The following TNNC2 variants were observed in gnomAD, a reference collection of about 807,000 sequenced individuals.
The protein encoded by TNNC2 is troponin C2, fast skeletal type, also known as troponin C, skeletal muscle.
TNNC2 carries 14 observed loss-of-function variants against 20.0 expected under a neutral mutation model. The observed-to-expected ratio is 0.70, with a 90% CI of 0.46 to 1.09. TNNC2 has a LOEUF of 1.09. Ranked by LOEUF, TNNC2 falls within the 50% of genes least tolerant of loss-of-function variation. The pLI is 0.00. For missense variants in TNNC2, 163 were observed against 223.8 expected, an observed-to-expected ratio of 0.73 and a Z score of 1.73; for synonymous variants, 81 against 77.3, an observed-to-expected ratio of 1.05 and a Z score of -0.25.
rs765437947 is a variant in TNNC2 at position 45,824,138 on chromosome 20, G to A, written c.315-11C>T. On this transcript the variant is annotated splice_polypyrimidine_tract_variant and intron_variant, in intron 4 of 5. Transcript: ENST00000372555. The stretch of plus-strand genomic sequence containing the variant: ...TAGCCGTCTGCATTCCTTCAGGTCC[G>A]AGGGACAGGGCAGGGCTCAGGGCCG... 1.5e-5 allele frequency: 25 copies of A among 1,613,436 alleles called. No homozygotes were observed. In the Admixed American group the frequency reaches 4.0e-4, roughly 26 times the overall value.
upstream of TNNC2, among the ~76,000 whole-genome samples, chr20:45,828,852 T>C (rs1260116939): frequency 2.0e-5 from 3 of 152,148 alleles, no homozygotes; most frequent in Non-Finnish European, 2.9e-5. Context: ...TTCCCCTATA[T>C]ATAGACATTC....
At chr20:45,824,254 G>A (rs368679455) in intron 4 of TNNC2, 38 bp downstream of exon 4, 10 of 1,605,250 alleles carry the variant, frequency 6.2e-6, no homozygotes, top group South Asian at 3.3e-5. Flanking sequence ...GGTTCTGACT[G>A]CTAAGCCCCT....
chr20:45,823,928 C>T lies in TNNC2; in HGVS notation c.451+63G>A. The T allele has an allele frequency of 6.2e-7, 1 of 1,606,958 alleles. No individual in the cohort carries two copies. The highest frequency in any genetic ancestry group is 8.5e-7 in the Non-Finnish European group (1 of 1,175,846). ...CCAAGGACACTGCACCGGAGCCAGG[C>T]ACCAGTGCCCGCCGTCCTCTGGGGC... On this transcript the variant is annotated intron_variant, in intron 5 of 5. Coordinates refer to ENST00000372555, the MANE Select transcript of TNNC2 (RefSeq NM_003279.3). This position sits in a 1 kb window ranked among gnomAD's most constrained non-coding sequence, Gnocchi z 4.6.
upstream of TNNC2, among the ~76,000 whole-genome samples, chr20:45,829,228 A>AATC (rs1470963358): frequency 6.7e-6 from 1 of 148,222 alleles, no homozygotes; most frequent in Non-Finnish European, 1.5e-5. Context: ...ACAATGGTGC[A>AATC]ATCTCGGCTC....
At chr20:45,828,977 G>C (rs946080986), upstream of TNNC2, among the ~76,000 whole-genome samples, 2 of 151,872 alleles carry the variant, frequency 1.3e-5, no homozygotes, top group Admixed American at 6.6e-5. Context: ...ATTGTTTTTT[G>C]GTTTTTTGGG....
At chr20:45,824,682 T>C in intron 2 of TNNC2, 44 bp from the exon 3 acceptor site, 1 of 1,604,746 alleles carries the variant, frequency 6.2e-7, no homozygotes, top group Non-Finnish European at 8.5e-7. Flanking sequence ...TGCTGGACTG[T>C]CAGCCTCACA....
chr20:45,824,695 T>TTG, intron 2 of TNNC2, 57 bp from the exon 3 acceptor site: 1 of 1,537,410 alleles, frequency 6.5e-7, no homozygotes, highest in Non-Finnish European at 8.8e-7. Context: ...GCCTCACACC[T>TTG]ACCCCCCCCC....
chr20:45,824,743 A>G (rs374365133), intron 2 of TNNC2, 40 bp downstream of exon 2: 5 of 1,248,526 alleles, frequency 4.0e-6, no homozygotes, highest in Non-Finnish European at 4.3e-6. Context: ...TGTCCCCAGC[A>G]TACATCCACC....
intron 1 of TNNC2, 116 bp from the exon 2 acceptor site, chr20:45,824,950 C>A: frequency 1.8e-6 from 2 of 1,100,754 alleles, no homozygotes; most frequent in South Asian, 2.7e-5. Flanking sequence ...TCCAGAAGAA[C>A]AACTTCAAAC....
Position 45,824,847 on chromosome 20 carries a change from C to G in TNNC2, c.4-13G>C, listed in dbSNP as rs755114964. The G allele has an allele frequency of 6.2e-7, 1 of 1,614,052 alleles. No individual in the cohort carries two copies. Among genetic ancestry groups the G allele is most frequent in the East Asian group, 2.2e-5 (1 of 44,896 alleles). Reference sequence around the variant, plus strand: ...CCTGCTGGTCCGTCTGCAGGAGACACAGAGAAAGTCTGAGCTGAAGAGGCA... The same window carrying G: ...CCTGCTGGTCCGTCTGCAGGAGACAGAGAGAAAGTCTGAGCTGAAGAGGCA... On this transcript the variant is annotated splice_polypyrimidine_tract_variant and intron_variant, in intron 1 of 5. Coordinates refer to ENST00000372555, the MANE Select transcript of TNNC2 (RefSeq NM_003279.3).
chr20:45,830,144 C>G (rs1012937324), upstream of TNNC2, among the ~76,000 whole-genome samples: 1 of 151,360 alleles, frequency 6.6e-6, no homozygotes, highest in Non-Finnish European at 1.5e-5. Context: ...ACCATCCTGG[C>G]CAGCATGGTG....
rs367966013 is a variant in TNNC2 at position 45,824,642 on chromosome 20, C to T, written c.56-4G>A. ...ATGTCAAAGGCAGCCTTGAACTCTG[C>T]GAGGGAGGGCAGAGGGCAGAGGTGA... On this transcript the variant is annotated splice_region_variant and splice_polypyrimidine_tract_variant and intron_variant, in intron 2 of 5. Coordinates refer to ENST00000372555, the MANE Select transcript of TNNC2 (RefSeq NM_003279.3). 29 of 1,608,212 alleles carry T rather than the reference C, an allele frequency of 1.8e-5. 3 individuals are homozygous for T. Among genetic ancestry groups the T allele is most frequent in the Admixed American group, 1.7e-4 (10 of 59,974 alleles).
At position 45,823,232 on chromosome 20, in the gene TNNC2, T is replaced by G; in HGVS notation, c.*116A>C. On this transcript the variant is annotated 3_prime_UTR_variant, in exon 6 of 6. Transcript: ENST00000372555. This position sits in a 1 kb window ranked among gnomAD's most constrained non-coding sequence, Gnocchi z 4.6. The stretch of plus-strand genomic sequence containing the variant: ...CCACGAGTTTTGGAACATTTGCTTT[T>G]ATTCCTTCCAGACAAAGACCCACAA... 9.8e-7 allele frequency: 1 copy of G among 1,025,424 alleles called. No homozygotes were observed. Among genetic ancestry groups the G allele is most frequent in the Non-Finnish European group, 1.4e-6 (1 of 735,564 alleles). The allele number at this position is 1,025,424 out of a possible 1,614,324, so 63.5% of individuals were successfully genotyped here.
Position 45,823,497 on chromosome 20 carries a change from T to TCAA in TNNC2, c.452-119_452-118insTTG. The TCAA allele has an allele frequency of 1.9e-6, 2 of 1,037,558 alleles. No homozygotes were observed. The highest frequency in any genetic ancestry group is 2.8e-6 in the Non-Finnish European group (2 of 721,458). The allele number at this position is 1,037,558 out of a possible 1,614,324, so 64.3% of individuals were successfully genotyped here. On this transcript the variant is annotated intron_variant, in intron 5 of 5. Transcript: ENST00000372555. The surrounding 1 kb of genome is among the most constrained non-coding windows in gnomAD (Gnocchi z 4.6). ...TTTTTGTTTTTGTTGAGACAGAGTC[T>TCAA]CACTCTGTTGCCAAGGTCGCCAAGG... is the stretch of plus-strand genomic sequence containing the variant.
chr20:45,824,311 A>G lies in TNNC2; in HGVS notation c.295T>C (p.Cys99Arg). Residue 99 changes from cysteine (C) to arginine (R), a missense_variant, in exon 4 of 6, where the codon TGC (cysteine) becomes CGC (arginine). By Grantham distance (180) the Cys-to-Arg change is radical. Transcript: ENST00000372555. ...KGKSEEELAECFRIFDRNADG... is the reference protein window; with the variant it reads ...KGKSEEELAERFRIFDRNADG... Reference sequence around the variant, plus strand: ...GCGCACCTGTCGAAGATGCGGAAGCACTCGGCCAGCTCCTCCTCGCTCTTC... The same window carrying G: ...GCGCACCTGTCGAAGATGCGGAAGCGCTCGGCCAGCTCCTCCTCGCTCTTC... 5.0e-6 allele frequency: 8 copies of G among 1,610,556 alleles called. No individual in the cohort carries two copies. The highest frequency in any genetic ancestry group is 6.8e-6 in the Non-Finnish European group (8 of 1,179,884).
upstream of TNNC2, among the ~76,000 whole-genome samples, chr20:45,830,800 C>T (rs1404203131): frequency 6.6e-6 from 1 of 152,046 alleles, no homozygotes. Context: ...CTGAGTATAC[C>T]CAAACAGGAG....
intron 4 of TNNC2, 72 bp from the exon 5 acceptor site, chr20:45,824,199 G>T: frequency 6.3e-7 from 1 of 1,597,806 alleles, no homozygotes; most frequent in Non-Finnish European, 8.5e-7. Context: ...TCGACGCCCC[G>T]CTTCCGCACT....
At chr20:45,831,252 C>T (rs780042328), upstream of TNNC2, among the ~76,000 whole-genome samples, 6 of 152,144 alleles carry the variant, frequency 3.9e-5, no homozygotes, top group Non-Finnish European at 5.9e-5. Context: ...CACCCCTGCA[C>T]TCCAGCCTCA....
chr20:45,825,654 G>A (rs763932123), intron 1 of TNNC2, among the ~76,000 whole-genome samples: 3 of 149,934 alleles, frequency 2.0e-5, no homozygotes, highest in Non-Finnish European at 3.0e-5. Context: ...TGCTCTTGTT[G>A]CCTAGGCTGC....
Sources: gnomAD v4.1 joint callset for allele counts (sites outside exome capture counted in the v4.1 genomes callset) on GRCh38, gnomAD v4.1.1 for gene constraint, Gnocchi (gnomAD v3.1) non-coding constraint, MANE v1.5 for transcripts, NCBI Gene and HGNC (gene_info 2026-07-23, HGNC 2026-07-21) for gene names.